The following FGF12 variants were observed in gnomAD, a reference collection of about 807,000 sequenced individuals.
FGF12 encodes fibroblast growth factor 12, also known as fibroblast growth factor 12B.
Under a neutral mutation model 23.6 loss-of-function variants are expected in FGF12, and 14 were observed. The observed-to-expected ratio is 0.59, with a 90% CI of 0.39 to 0.93. The LOEUF is 0.93. FGF12 is among the 40% of genes least tolerant of loss of function. The pLI is 0.00. For synonymous variants in FGF12, 62 were observed against 77.3 expected, an observed-to-expected ratio of 0.80 and a Z score of 1.04; for missense variants, 175 against 217.8, an observed-to-expected ratio of 0.80 and a Z score of 1.24.
chr3:192,434,116 C>T (rs1241431675), intron 2 of FGF12, among the ~76,000 whole-genome samples: 5 of 152,098 alleles, frequency 3.3e-5, no homozygotes, highest in Admixed American at 6.6e-5. Context: ...AAGATAGCAA[C>T]CTTAACCAAT....
At chr3:192,588,116 T>C (rs762407414) in intron 2 of FGF12, among the ~76,000 whole-genome samples, 1 of 150,884 alleles carries the variant, frequency 6.6e-6, no homozygotes, top group Non-Finnish European at 1.5e-5. Context: ...GAGGCCGAGG[T>C]GGGTGAATAA....
rs180798211 is a variant in FGF12 at position 192,675,288 on chromosome 3, C to T, written c.13+51893G>A. 1.4e-3 allele frequency among the ~76,000 whole-genome samples: 214 copies of T among 149,996 alleles called. 2 individuals carry two copies. The highest frequency in any genetic ancestry group is 2.0e-3 in the Non-Finnish European group (135 of 67,646). On this transcript the variant is annotated intron_variant, in intron 2 of 5. Coordinates refer to ENST00000445105, the MANE Select transcript of FGF12 (RefSeq NM_004113.6). ...GTGGGTATAAAACTCTTATTCTGTCCTTCAAAGTAAGCAAAAAAAAAAAAG... is the reference window on the plus strand; with the variant it reads ...GTGGGTATAAAACTCTTATTCTGTCTTTCAAAGTAAGCAAAAAAAAAAAAG...
At chr3:192,580,104 C>G (rs762526271) in intron 2 of FGF12, among the ~76,000 whole-genome samples, 3 of 152,140 alleles carry the variant, frequency 2.0e-5, no homozygotes, top group Non-Finnish European at 4.4e-5. Context: ...TCAGTGCTTG[C>G]TCTTTCCTTT....
chr3:192,484,617 T>C (rs1393587023), intron 2 of FGF12, among the ~76,000 whole-genome samples: 2 of 151,874 alleles, frequency 1.3e-5, no homozygotes, highest in Admixed American at 6.6e-5. Context: ...CTGTGAGAGG[T>C]AGTATAGGAG....
At chr3:192,164,007 C>T (rs1030706848) in intron 5 of FGF12, among the ~76,000 whole-genome samples, 1 of 152,062 alleles carries the variant, frequency 6.6e-6, no homozygotes, top group African/African-American at 2.4e-5. Flanking sequence ...GCTCTTGAAG[C>T]TTAAATCTTT....
chr3:192,531,989 C>A (rs114509102), intron 2 of FGF12, among the ~76,000 whole-genome samples: 612 of 152,304 alleles, frequency 4.0e-3, no homozygotes, highest in African/African-American at 0.014. Context: ...TTCCCAGCAA[C>A]ATTTATTTAA....
At chr3:192,317,681 C>G (rs891639105) in intron 4 of FGF12, among the ~76,000 whole-genome samples, 18 of 152,138 alleles carry the variant, frequency 1.2e-4, no homozygotes, top group Admixed American at 9.2e-4. Context: ...AGGGAGCAAG[C>G]CTGGCTGGTT....
rs866636529 is a variant in FGF12, at chr3:192,196,473, T to C, written c.229-25817A>G. The stretch of plus-strand genomic sequence containing the variant: ...ACAATAGAGAGGTGAGATGCCACTT[T>C]TCATTTTTTAGCCAATACTTAGAGC... On this transcript the variant is annotated intron_variant, in intron 4 of 5. Transcript: ENST00000445105. Among the ~76,000 whole-genome samples the C allele has an allele frequency of 2.6e-5, 4 of 152,254 alleles. No homozygotes were observed. The South Asian group carries it at 8.3e-4, about 32-fold the overall frequency.
At chr3:192,208,721 C>T (rs190988098) in intron 4 of FGF12, among the ~76,000 whole-genome samples, 1 of 152,158 alleles carries the variant, frequency 6.6e-6, no homozygotes, top group African/African-American at 2.4e-5. Flanking sequence ...TTGAGGAATG[C>T]TTTCAGAGCA....
At chr3:192,605,301 A>T (rs1162087685) in intron 2 of FGF12, among the ~76,000 whole-genome samples, 1 of 151,820 alleles carries the variant, frequency 6.6e-6, no homozygotes, top group South Asian at 2.1e-4. Context: ...GAATCTCTTG[A>T]ACCTGGGAGG....
chr3:192,408,588 G>A lies in FGF12; in HGVS notation c.14-48050C>T. 9.2e-7 allele frequency: 1 copy of A among 1,082,912 alleles called. No homozygotes were observed. Among genetic ancestry groups the A allele is most frequent in the Non-Finnish European group, 1.1e-6 (1 of 891,620 alleles). 67.1% of individuals were successfully genotyped at this position (1,082,912 alleles called of 1,614,324 possible). A position where few individuals can be genotyped will look rare whatever the true frequency, so the allele number is the denominator to read the frequency against. On this transcript the variant is annotated intron_variant, in intron 2 of 5. Coordinates refer to ENST00000445105, the MANE Select transcript of FGF12 (RefSeq NM_004113.6). The surrounding 1 kb of genome is among the most constrained non-coding windows in gnomAD (Gnocchi z 7.3). ...AGTCACACTGCGTTCGGGGTACCAA[G>A]TGGAAGGGGAAGAACGATGCCCAAA...
intron 2 of FGF12, among the ~76,000 whole-genome samples, chr3:192,589,193 G>A (rs529586425): frequency 2.0e-5 from 3 of 151,720 alleles, no homozygotes; most frequent in African/African-American, 7.2e-5. Context: ...AAAATAGCTG[G>A]GTGTGGTGGT....
chr3:192,715,624 T>C (rs968848748), intron 2 of FGF12, among the ~76,000 whole-genome samples: 2 of 152,242 alleles, frequency 1.3e-5, no homozygotes, highest in Admixed American at 1.3e-4. Flanking sequence ...AACCTTGTCT[T>C]AGTCCTTGGT....
intron 2 of FGF12, among the ~76,000 whole-genome samples, chr3:192,601,158 G>C (rs925909175): frequency 2.0e-5 from 3 of 152,114 alleles, no homozygotes; most frequent in African/African-American, 7.2e-5. Flanking sequence ...AACATGGATG[G>C]AAGTGGAGGG....
chr3:192,209,491 A>G (rs1309327171), intron 4 of FGF12, among the ~76,000 whole-genome samples: 1 of 152,190 alleles, frequency 6.6e-6, no homozygotes, highest in Non-Finnish European at 1.5e-5. Flanking sequence ...AATTAATCTT[A>G]GCTGACACAG....
intron 4 of FGF12, among the ~76,000 whole-genome samples, chr3:192,273,906 T>TAAAA (rs11308169): frequency 6.9e-6 from 1 of 144,344 alleles, no homozygotes; most frequent in African/African-American, 2.5e-5. Flanking sequence ...GTGAGTGAAT[T>TAAAA]AAAAAAAAAA....
intron 2 of FGF12, among the ~76,000 whole-genome samples, chr3:192,457,919 T>C (rs1250138473): frequency 2.6e-5 from 4 of 152,176 alleles, no homozygotes; most frequent in African/African-American, 4.8e-5. Flanking sequence ...GTCCCTGTGC[T>C]GTGTGCAGCT....
rs1034436054 is a variant in FGF12 at position 192,664,595 on chromosome 3, AAAAAAAATAC to A, written c.13+62576_13+62585del. On this transcript the variant is annotated intron_variant, in intron 2 of 5. Coordinates refer to ENST00000445105, the MANE Select transcript of FGF12 (RefSeq NM_004113.6). ...GAAACCCTGTCTCTACTAAAAATAC[AAAAAAAATAC>A]AAAAAAAAAAAAAAGCTGGGCATGG... is the stretch of plus-strand genomic sequence containing the variant. Among the ~76,000 whole-genome samples, 13 of 70,158 alleles carry A rather than the reference AAAAAAAATAC, an allele frequency of 1.9e-4. 2 individuals carry two copies. Among genetic ancestry groups the A allele is most frequent in the African/African-American group, 7.6e-4 (12 of 15,834 alleles). The allele number at this position is 70,158 out of a possible 152,430, so 46.0% of individuals were successfully genotyped here.
chr3:192,297,695 T>G (rs2108656304), intron 4 of FGF12, among the ~76,000 whole-genome samples: 1 of 152,284 alleles, frequency 6.6e-6, no homozygotes, highest in South Asian at 2.1e-4. Context: ...ACTGAGGATT[T>G]CAAGCAAGAA....
Sources: allele counts gnomAD v4.1 joint callset (sites outside exome capture counted in the v4.1 genomes callset), GRCh38; gene constraint gnomAD v4.1.1; non-coding constraint Gnocchi (gnomAD v3.1); transcripts MANE v1.5; gene names NCBI Gene and HGNC (gene_info 2026-07-23, HGNC 2026-07-21).